Variants in AFF1 observed in about 807,000 individuals in gnomAD.
AFF1 encodes AF4/FMR2 family member 1.
In AFF1, 48 loss-of-function variants were observed where a neutral mutation model predicts 121.7. The ratio of observed to expected loss-of-function variants is 0.39; its 90% CI spans 0.31 to 0.50. The LOEUF (loss-of-function observed/expected upper bound fraction) is 0.50, where lower values mean the gene tolerates loss of function less well. Ranked by LOEUF, AFF1 falls within the 20% of genes least tolerant of loss-of-function variation. The pLI is 0.76. For synonymous variants in AFF1, 613 were observed against 563.0 expected, an observed-to-expected ratio of 1.09 and a Z score of -1.26; for missense variants, 1,523 against 1,511.7, an observed-to-expected ratio of 1.01 and a Z score of -0.12.
chr4:87,035,728 T>G (rs1176342686), intron 2 of AFF1, among the ~76,000 whole-genome samples: 1 of 152,206 alleles, frequency 6.6e-6, no homozygotes, highest in African/African-American at 2.4e-5. Context: ...CGGGGCCACA[T>G]TCCAAATGAG....
At position 87,047,228 on chromosome 4, in the gene AFF1, G is replaced by A. The variant is rs376495098; in HGVS notation, c.693G>A (p.Thr231=). The change falls in exon 4 of 21, where the codon ACG becomes ACA. Residue 231 remains threonine (T), a synonymous_variant. Transcript: ENST00000395146. ...IHSNQQTLPR[T]QGSSKVHGSS... ...CCAACCAGCAAACTCTTCCCCGGACGCAAGGAAGCAGCAAGGTTCATGGCA... is the reference window on the plus strand; with the variant it reads ...CCAACCAGCAAACTCTTCCCCGGACACAAGGAAGCAGCAAGGTTCATGGCA... 2.7e-5 allele frequency: 44 copies of A among 1,613,998 alleles called. No individual in the cohort carries two copies. Among genetic ancestry groups the A allele is most frequent in the Middle Eastern group, 1.6e-4 (1 of 6,084 alleles).
intron 2 of AFF1, among the ~76,000 whole-genome samples, chr4:86,949,234 G>GT (rs1721092845): frequency 6.8e-6 from 1 of 147,894 alleles, no homozygotes; most frequent in African/African-American, 2.5e-5. Context: ...GAGTGCAGTG[G>GT]TGTGACCTCA....
At chr4:87,083,994 C>G (rs1372128050) in intron 4 of AFF1, 126 bp from the exon 5 acceptor site, 4 of 823,868 alleles carry the variant, frequency 4.9e-6, no homozygotes, top group Non-Finnish European at 6.1e-6. Context: ...ATGTAAAGTT[C>G]TTAATACTTA....
intron 2 of AFF1, among the ~76,000 whole-genome samples, chr4:86,960,183 C>T (rs904048065): frequency 6.6e-6 from 1 of 152,084 alleles, no homozygotes; most frequent in African/African-American, 2.4e-5. Context: ...TTTGACTGTT[C>T]ACACTGGAAA....
At chr4:87,026,825 C>T (rs1270473959) in intron 2 of AFF1, among the ~76,000 whole-genome samples, 3 of 152,060 alleles carry the variant, frequency 2.0e-5, no homozygotes, top group African/African-American at 7.3e-5. Context: ...CTGGTTCTCT[C>T]GTATTTTATA....
At chr4:86,943,860 G>A (rs960763413) in intron 1 of AFF1, among the ~76,000 whole-genome samples, 4 of 152,096 alleles carry the variant, frequency 2.6e-5, no homozygotes, top group African/African-American at 9.7e-5. Flanking sequence ...TACTCGGGAG[G>A]CTGAGGCAGG....
intron 4 of AFF1, among the ~76,000 whole-genome samples, 179 bp from the exon 5 acceptor site, chr4:87,083,941 C>T (rs1161154394): frequency 1.3e-5 from 2 of 152,036 alleles, no homozygotes; most frequent in African/African-American, 4.8e-5. Context: ...TTTTATATTG[C>T]TTTTGGTAGA....
intron 2 of AFF1, among the ~76,000 whole-genome samples, chr4:86,952,135 A>G (rs1454666834): frequency 6.6e-6 from 1 of 152,022 alleles, no homozygotes; most frequent in Non-Finnish European, 1.5e-5. Context: ...ATTGAGGCAG[A>G]TTCTTTGTAA....
chr4:86,989,917 A>G (rs538926225), intron 2 of AFF1, among the ~76,000 whole-genome samples: 6 of 152,274 alleles, frequency 3.9e-5, no homozygotes, highest in African/African-American at 1.2e-4. Context: ...TCAGCAAACT[A>G]TCACAAGGAC....
intron 4 of AFF1, among the ~76,000 whole-genome samples, chr4:87,070,363 T>C (rs1721904924): frequency 6.6e-6 from 1 of 152,038 alleles, no homozygotes; most frequent in Non-Finnish European, 1.5e-5. Flanking sequence ...GGTCTCGAAC[T>C]CCTGACCTTG....
intron 12 of AFF1, among the ~76,000 whole-genome samples, chr4:87,118,905 G>GA (rs1727386573): frequency 6.6e-6 from 1 of 152,212 alleles, no homozygotes; most frequent in African/African-American, 2.4e-5. Flanking sequence ...AGAGGCTCAG[G>GA]AACACTGGTT....
At chr4:87,021,248 A>G (rs546996830) in intron 2 of AFF1, among the ~76,000 whole-genome samples, 1 of 152,342 alleles carries the variant, frequency 6.6e-6, no homozygotes, top group Admixed American at 6.5e-5. Context: ...GAAGTACTAA[A>G]GTTTTAAATG....
intron 8 of AFF1, among the ~76,000 whole-genome samples, chr4:87,098,220 A>G (rs1356229322): frequency 6.6e-6 from 1 of 152,174 alleles, no homozygotes; most frequent in Non-Finnish European, 1.5e-5. Flanking sequence ...AACGTGGTAG[A>G]AGGATGTAGT....
Position 87,026,336 on chromosome 4 carries a change from G to A in AFF1, c.39-19830G>A, listed in dbSNP as rs567181817. The stretch of plus-strand genomic sequence containing the variant: ...GGTCTTTGAACCCTTGACTTCAAGC[G>A]ATCCTCCTGCCTCGGCCTCCCAAAT... On this transcript the variant is annotated intron_variant, in intron 2 of 20. Transcript: ENST00000395146. Among the ~76,000 whole-genome samples, 104 of 152,280 alleles carry A rather than the reference G, an allele frequency of 6.8e-4. 1 individual carries two copies. The highest frequency in any genetic ancestry group is 2.6e-3 in the Admixed American group (40 of 15,294).
At chr4:86,982,371 C>G (rs1332540217) in intron 2 of AFF1, among the ~76,000 whole-genome samples, 1 of 94,416 alleles carries the variant, frequency 1.1e-5, no homozygotes, top group Non-Finnish European at 2.2e-5. Context: ...AAGCGCTGTT[C>G]AAAGAAAAAA....
rs945254897 is a variant in AFF1 at position 87,081,128 on chromosome 4, T to C, written c.1060-2992T>C. ...TGTGGGAAATCCTCCTACTGGCTTT[T>C]GTAGTTTTTCTCTAATGAAATGAAT... On this transcript the variant is annotated intron_variant, in intron 4 of 20. Transcript: ENST00000395146. Among the ~76,000 whole-genome samples the C allele has an allele frequency of 2.0e-5, 3 of 151,478 alleles. No homozygotes were observed. In the East Asian group the frequency reaches 5.8e-4, roughly 29 times the overall value.
At chr4:87,017,101 G>GTTTTTTTTTTTTTTTTT (rs66466780) in intron 2 of AFF1, among the ~76,000 whole-genome samples, 1 of 106,378 alleles carries the variant, frequency 9.4e-6, no homozygotes. Context: ...ATATATATGT[G>GTTTTTTTTTTTTTTTTT]TTTTTTTTTT....
intron 4 of AFF1, among the ~76,000 whole-genome samples, chr4:87,054,037 A>G (rs1002397884): frequency 6.6e-6 from 1 of 152,232 alleles, no homozygotes; most frequent in African/African-American, 2.4e-5. Flanking sequence ...ATGCCACACC[A>G]TGTGCAGAGA....
intron 2 of AFF1, among the ~76,000 whole-genome samples, chr4:86,970,961 G>A (rs1722899455): frequency 6.6e-6 from 1 of 152,190 alleles, no homozygotes; most frequent in African/African-American, 2.4e-5. Flanking sequence ...GGAGGGCCTT[G>A]TCGGCCGTTG....
Sources: allele counts gnomAD v4.1 joint callset (sites outside exome capture counted in the v4.1 genomes callset), GRCh38; gene constraint gnomAD v4.1.1; transcripts MANE v1.5; gene names NCBI Gene and HGNC (gene_info 2026-07-23, HGNC 2026-07-21).